CHCHD6: variants seen among roughly 807,000 people sequenced by gnomAD.
CHCHD6 encodes the protein MICOS complex subunit MIC25.
Under a neutral mutation model 32.3 loss-of-function variants are expected in CHCHD6, and 28 were observed. That is an observed-to-expected ratio of 0.87 (90% CI 0.64 to 1.19). CHCHD6 has a LOEUF of 1.19. Among genes scored for constraint, CHCHD6 ranks in the 50% most tolerant of loss-of-function variants. CHCHD6 has a pLI of 0.00. For missense variants in CHCHD6, 333 were observed against 307.0 expected (o/e 1.08, Z -0.63); for synonymous variants, 122 against 117.5 (o/e 1.04, Z -0.25).
At chr3:126,938,782 A>G (rs942180715) in intron 6 of CHCHD6, among the ~76,000 whole-genome samples, 1 of 151,816 alleles carries the variant, frequency 6.6e-6, no homozygotes, top group African/African-American at 2.4e-5. Context: ...TGTGGCTCCC[A>G]CAGGTCCCCA....
At chr3:126,863,529 C>T (rs1942055551) in intron 5 of CHCHD6, among the ~76,000 whole-genome samples, 1 of 142,072 alleles carries the variant, frequency 7.0e-6, no homozygotes. Flanking sequence ...CCACCATCAC[C>T]ACCTCCTCCT....
At chr3:126,848,116 A>G (rs2107550148) in intron 4 of CHCHD6, among the ~76,000 whole-genome samples, 1 of 152,304 alleles carries the variant, frequency 6.6e-6, no homozygotes, top group Non-Finnish European at 1.5e-5. Context: ...AGTAGCGGGC[A>G]TGTGCCACCA....
intron 4 of CHCHD6, among the ~76,000 whole-genome samples, chr3:126,738,922 A>C (rs1166499540): frequency 6.6e-6 from 1 of 152,244 alleles, no homozygotes; most frequent in Non-Finnish European, 1.5e-5. Context: ...CAAGGGAGAG[A>C]GTGGGCTTTG....
chr3:126,923,872 C>G lies in CHCHD6; in HGVS notation c.566+9122C>G, dbSNP rs1576608370. ...TTGGAGTGTAATAGCCAAAAGAGAG[C>G]ACATTCCTAGGTGCATAGAGTGTAT... On this transcript the variant is annotated intron_variant, in intron 6 of 7. Transcript: ENST00000290913. Among the ~76,000 whole-genome samples the G allele has an allele frequency of 2.0e-5, 3 of 152,300 alleles. No individual in the cohort carries two copies. The South Asian group carries it at 6.2e-4, about 32-fold the overall frequency.
intron 5 of CHCHD6, among the ~76,000 whole-genome samples, chr3:126,907,825 A>G (rs1213730813): frequency 6.6e-6 from 1 of 152,108 alleles, no homozygotes; most frequent in Non-Finnish European, 1.5e-5. Context: ...ACATTTTTCT[A>G]CGTGGAACCA....
chr3:126,779,381 A>G (rs1937808658), intron 4 of CHCHD6, among the ~76,000 whole-genome samples: 1 of 152,058 alleles, frequency 6.6e-6, no homozygotes, highest in Admixed American at 6.5e-5. Context: ...CACTAAAAAT[A>G]CAAAAATTAG....
At chr3:126,758,924 C>T (rs1294643692) in intron 4 of CHCHD6, among the ~76,000 whole-genome samples, 4 of 152,336 alleles carry the variant, frequency 2.6e-5, no homozygotes, top group African/African-American at 9.6e-5. Flanking sequence ...AGTAAATGGT[C>T]AGTACCCTTC....
Position 126,704,370 on chromosome 3 carries a change from G to T in CHCHD6, c.58G>T (p.Glu20Ter), listed in dbSNP as rs774457222. 1.3e-6 allele frequency: 2 copies of T among 1,580,704 alleles called. No homozygotes were observed. The highest frequency in any genetic ancestry group is 8.6e-7 in the Non-Finnish European group (1 of 1,164,654). ...GGTGTCCTTCGGAGTGGACGAGGAG[G>T]AGCGGGTCCGGGTGCTGCAGGGTGT... ...RRVSFGVDEE[E>*]RVRVLQGVRL... Residue 20 changes from glutamate (E) to a stop codon, truncating the protein, a stop_gained, in exon 1 of 8, where the codon GAG becomes TAG. Coordinates refer to ENST00000290913, the MANE Select transcript of CHCHD6 (RefSeq NM_032343.3). LOFTEE classifies it high-confidence loss of function.
Position 126,931,543 on chromosome 3 carries a change from G to A in CHCHD6, c.566+16793G>A, listed in dbSNP as rs367757011. Among the ~76,000 whole-genome samples, 29 of 152,336 alleles carry A rather than the reference G, an allele frequency of 1.9e-4. 1 individual carries two copies. In the South Asian group the frequency reaches 4.6e-3, roughly 24 times the overall value. On this transcript the variant is annotated intron_variant, in intron 6 of 7. Transcript: ENST00000290913. ...TGCGACTGACACGGAGCCCAGGGCA[G>A]CTTGAGGAGCCGGTAAACTTTGACT...
At chr3:126,707,997 A>G (rs976422181) in intron 1 of CHCHD6, among the ~76,000 whole-genome samples, 1 of 152,236 alleles carries the variant, frequency 6.6e-6, no homozygotes, top group African/African-American at 2.4e-5. Context: ...TGGACCAGAA[A>G]GGAAGAGACA....
At position 126,794,243 on chromosome 3, in the gene CHCHD6, C is replaced by T. The variant is rs184019582; in HGVS notation, c.412-58404C>T. ...AATGGTTCTTTGCATTTTGTGTTTT[C>T]CCCCCATATTTTTGTTCCAAACTAT... On this transcript the variant is annotated intron_variant, in intron 4 of 7. Coordinates refer to ENST00000290913, the MANE Select transcript of CHCHD6 (RefSeq NM_032343.3). 4.8e-3 allele frequency among the ~76,000 whole-genome samples: 716 copies of T among 150,720 alleles called. 23 individuals are homozygous for T. Among genetic ancestry groups the T allele is most frequent in the Admixed American group, 0.044 (661 of 15,134 alleles).
At position 126,907,498 on chromosome 3, in the gene CHCHD6, GT is replaced by G. The variant is rs146963121; in HGVS notation, c.496-7181del. Reference sequence around the variant, plus strand: ...ACTTGTGTTCATTTTTCACTTATTTGTGGTTTTTACTATTTTCACATCAGAA... The same window carrying G: ...ACTTGTGTTCATTTTTCACTTATTTGGGTTTTTACTATTTTCACATCAGAA... On this transcript the variant is annotated intron_variant, in intron 5 of 7. Coordinates refer to ENST00000290913, the MANE Select transcript of CHCHD6 (RefSeq NM_032343.3). Among the ~76,000 whole-genome samples, 1,375 of 152,198 alleles carry G rather than the reference GT, an allele frequency of 9.0e-3. 10 individuals carry two copies. Among genetic ancestry groups the G allele is most frequent in the Non-Finnish European group, 0.016 (1,091 of 67,990 alleles).
chr3:126,847,379 A>G (rs1397124937), intron 4 of CHCHD6, among the ~76,000 whole-genome samples: 4 of 152,078 alleles, frequency 2.6e-5, no homozygotes, highest in Non-Finnish European at 5.9e-5. Context: ...GTGTCTTACT[A>G]TGTAATTTTG....
chr3:126,856,631 G>A (rs1941674951), intron 5 of CHCHD6, among the ~76,000 whole-genome samples: 1 of 152,206 alleles, frequency 6.6e-6, no homozygotes, highest in Admixed American at 6.5e-5. Flanking sequence ...CCTGGATTCA[G>A]GTATTATGGG....
At chr3:126,952,602 G>T (rs551427554) in intron 6 of CHCHD6, among the ~76,000 whole-genome samples, 69 of 152,340 alleles carry the variant, frequency 4.5e-4, no homozygotes, top group African/African-American at 1.6e-3. Context: ...GGGGCCCAGG[G>T]GAGTGGGGCA....
chr3:126,885,275 G>A (rs1002168446), intron 5 of CHCHD6, among the ~76,000 whole-genome samples: 3 of 152,198 alleles, frequency 2.0e-5, no homozygotes, highest in African/African-American at 7.2e-5. Context: ...AGGATCTACT[G>A]TTCCTTTGAG....
At chr3:126,753,851 C>T (rs1370448493) in intron 4 of CHCHD6, among the ~76,000 whole-genome samples, 4 of 152,196 alleles carry the variant, frequency 2.6e-5, no homozygotes, top group African/African-American at 4.8e-5. Flanking sequence ...GTAGTACTAC[C>T]TGAGAGGTAC....
At chr3:126,862,476 CTCCTCT>C (rs1485309974) in intron 5 of CHCHD6, among the ~76,000 whole-genome samples, 16 of 135,288 alleles carry the variant, frequency 1.2e-4, no homozygotes, top group African/African-American at 1.4e-4. Flanking sequence ...TCACCACCTC[CTCCTCT>C]TCCTCCACCA....
At chr3:126,935,521 G>A (rs1346824704) in intron 6 of CHCHD6, among the ~76,000 whole-genome samples, 1 of 152,196 alleles carries the variant, frequency 6.6e-6, no homozygotes, top group Non-Finnish European at 1.5e-5. Context: ...GTGCAGAGTG[G>A]GATAGCTATT....
Sources: allele counts gnomAD v4.1 joint callset (sites outside exome capture counted in the v4.1 genomes callset), GRCh38; gene constraint gnomAD v4.1.1; transcripts MANE v1.5; gene names NCBI Gene and HGNC (gene_info 2026-07-23, HGNC 2026-07-21).